The following MCTP1 variants were observed in gnomAD, a reference collection of about 807,000 sequenced individuals.
MCTP1 encodes multiple C2 and transmembrane domain containing 1, also known as multiple C2 and transmembrane domain-containing protein 1.
MCTP1 carries 69 observed loss-of-function variants against 120.6 expected under a neutral mutation model. The observed-to-expected ratio is 0.57, with a 90% CI of 0.47 to 0.70. MCTP1 has a LOEUF of 0.70. Ranked by LOEUF, MCTP1 falls within the 30% of genes least tolerant of loss-of-function variation. MCTP1 has a pLI of 0.00. For missense variants in MCTP1, 1,203 were observed against 1,248.8 expected, an observed-to-expected ratio of 0.96 and a Z score of 0.55; for synonymous variants, 529 against 493.1, an observed-to-expected ratio of 1.07 and a Z score of -0.96.
At chr5:95,137,940 A>G (rs1362355494) in intron 1 of MCTP1, among the ~76,000 whole-genome samples, 2 of 152,206 alleles carry the variant, frequency 1.3e-5, no homozygotes, top group Non-Finnish European at 2.9e-5. Context: ...ATTACTATTG[A>G]ATAGTATGAC....
At chr5:94,982,430 C>A (rs1385011316) in intron 2 of MCTP1, among the ~76,000 whole-genome samples, 3 of 152,216 alleles carry the variant, frequency 2.0e-5, no homozygotes, top group Admixed American at 6.5e-5. Flanking sequence ...TCATTTCAAG[C>A]TGGTGGTAAA....
At chr5:94,930,061 T>C (rs1238213279) in intron 6 of MCTP1, among the ~76,000 whole-genome samples, 1 of 152,024 alleles carries the variant, frequency 6.6e-6, no homozygotes, top group Non-Finnish European at 1.5e-5. Context: ...GCTTGAAAAA[T>C]GCATCCGTTC....
chr5:94,911,811 T>C (rs1808664011), intron 9 of MCTP1, among the ~76,000 whole-genome samples: 4 of 152,188 alleles, frequency 2.6e-5, no homozygotes, highest in Non-Finnish European at 5.9e-5. Flanking sequence ...ACTACTACTA[T>C]AATTGATACT....
At chr5:94,734,327 G>A (rs1763732078) in intron 19 of MCTP1, among the ~76,000 whole-genome samples, 1 of 152,118 alleles carries the variant, frequency 6.6e-6, no homozygotes, top group Non-Finnish European at 1.5e-5. Flanking sequence ...CCAATCTATT[G>A]TGGAAAACTT....
At chr5:94,982,781 C>T (rs1029806681) in intron 2 of MCTP1, among the ~76,000 whole-genome samples, 6 of 148,156 alleles carry the variant, frequency 4.0e-5, no homozygotes, top group Admixed American at 3.5e-4. Flanking sequence ...CCCAGCTACT[C>T]AGGAGGCTGA....
chr5:95,129,056 AG>A (rs902534971), intron 1 of MCTP1, among the ~76,000 whole-genome samples: 5 of 152,212 alleles, frequency 3.3e-5, no homozygotes, highest in Admixed American at 6.5e-5. Flanking sequence ...ATAATTGCTC[AG>A]GTTTAATTGG....
chr5:95,215,240 C>T (rs1728580834), intron 1 of MCTP1, among the ~76,000 whole-genome samples: 2 of 152,146 alleles, frequency 1.3e-5, no homozygotes, highest in Admixed American at 6.6e-5. Context: ...CTGAGACCCT[C>T]CCTGATCAAT....
At chr5:95,216,425 G>T (rs1032537450) in intron 1 of MCTP1, among the ~76,000 whole-genome samples, 2 of 152,138 alleles carry the variant, frequency 1.3e-5, no homozygotes, top group East Asian at 3.9e-4. Context: ...CTATCCTGTA[G>T]GTTGTCCATT....
Position 94,912,960 on chromosome 5 carries a change from A to G in MCTP1, c.1367T>C (p.Leu456Ser), listed in dbSNP as rs779125109. ...TTTTCTGTGTAGGTCTGATAGGCGT[A>G]AACTTTGGGTCTGAAACTTTTGGCA... ...CKNVQFQTQSLRLSDLHRKSH... is the reference protein window; with the variant it reads ...CKNVQFQTQSSRLSDLHRKSH... Residue 456 changes from leucine (L) to serine (S), a missense_variant, in exon 9 of 23, where the codon TTA becomes TCA. This residue lies in a region of MCTP1 where 740 missense variants were observed against 871.1 expected (regional missense o/e 0.85). Coordinates refer to ENST00000515393, the MANE Select transcript of MCTP1 (RefSeq NM_024717.7). The G allele has an allele frequency of 6.3e-7, 1 of 1,591,292 alleles. No individual in the cohort carries two copies. Among genetic ancestry groups the G allele is most frequent in the Admixed American group, 1.8e-5 (1 of 56,074 alleles).
At chr5:95,195,725 C>T (rs890115955) in intron 1 of MCTP1, among the ~76,000 whole-genome samples, 1 of 151,656 alleles carries the variant, frequency 6.6e-6, no homozygotes, top group African/African-American at 2.4e-5. Flanking sequence ...AGTGACCGAG[C>T]TGAGATGTAA....
chr5:95,051,786 CA>C (rs894873607), intron 1 of MCTP1, among the ~76,000 whole-genome samples: 1 of 151,834 alleles, frequency 6.6e-6, no homozygotes, highest in Non-Finnish European at 1.5e-5. Flanking sequence ...AATACAGGAA[CA>C]AAAAAACAAA....
intron 20 of MCTP1, 145 bp downstream of exon 20, chr5:94,714,632 A>ATAAAG (rs1561514572): frequency 3.0e-6 from 2 of 669,150 alleles, no homozygotes; most frequent in East Asian, 2.7e-5. Flanking sequence ...ACTGGCAGAA[A>ATAAAG]TAAAGTAAAT....
intron 1 of MCTP1, among the ~76,000 whole-genome samples, chr5:95,107,832 T>C (rs1184225332): frequency 1.3e-5 from 2 of 152,220 alleles, no homozygotes; most frequent in Non-Finnish European, 2.9e-5. Context: ...CAATTGTTTT[T>C]CAAGTTTGGA....
At chr5:94,747,176 C>T (rs558487071) in intron 19 of MCTP1, among the ~76,000 whole-genome samples, 3 of 152,174 alleles carry the variant, frequency 2.0e-5, no homozygotes, top group East Asian at 1.9e-4. Flanking sequence ...CATGTAATAT[C>T]GTAGCATAGC....
chr5:95,081,900 C>T lies in MCTP1; in HGVS notation c.721-64416G>A, dbSNP rs1283619231. 6.9e-6 allele frequency: 6 copies of T among 869,400 alleles called. 1 individual carries two copies. The Admixed American group carries it at 1.8e-4, about 27-fold the overall frequency. The allele number at this position is 869,400 out of a possible 1,614,324, so 53.9% of individuals were successfully genotyped here. ...CCACAACAGGAAATGAGAATAACAA[C>T]ACTGCACAAAGAAAACTATTCTGCT... On this transcript the variant is annotated intron_variant, in intron 1 of 22. Transcript: ENST00000515393.
At chr5:94,796,966 A>G (rs1490834867) in intron 18 of MCTP1, among the ~76,000 whole-genome samples, 6 of 152,056 alleles carry the variant, frequency 3.9e-5, no homozygotes, top group African/African-American at 1.4e-4. Flanking sequence ...AATGTTTCAC[A>G]GTGGGTTGTG....
At chr5:95,058,829 G>T (rs985535925) in intron 1 of MCTP1, among the ~76,000 whole-genome samples, 1 of 152,094 alleles carries the variant, frequency 6.6e-6, no homozygotes, top group African/African-American at 2.4e-5. Flanking sequence ...AAAGAGCGAT[G>T]ATATGCTCTA....
At position 95,183,180 on chromosome 5, in the gene MCTP1, C is replaced by T. The variant is rs1175535263; in HGVS notation, c.720+100676G>A. Among the ~76,000 whole-genome samples, 3 of 152,102 alleles carry T rather than the reference C, an allele frequency of 2.0e-5. No individual in the cohort carries two copies. The East Asian group carries it at 5.8e-4, about 29-fold the overall frequency. ...TTGATATTTGTCAAATGTGCCAAGG[C>T]AATTCAAAGAGAAATGGATAGTGGT... On this transcript the variant is annotated intron_variant, in intron 1 of 22. Transcript: ENST00000515393.
intron 1 of MCTP1, among the ~76,000 whole-genome samples, chr5:95,268,356 T>C (rs458978): frequency 0.86 from 131,586 of 152,244 alleles, 57,185 homozygotes; most frequent in African/African-American, 0.96. Flanking sequence ...ACATACATAT[T>C]TGGGGTTGGT....
Sources: allele counts gnomAD v4.1 joint callset (sites outside exome capture counted in the v4.1 genomes callset), GRCh38; gene constraint gnomAD v4.1.1; regional missense constraint gnomAD v4.1.1; transcripts MANE v1.5; gene names NCBI Gene and HGNC (gene_info 2026-07-23, HGNC 2026-07-21).